The following PDE4D variants were observed in gnomAD, a reference collection of about 807,000 sequenced individuals.
The protein encoded by PDE4D is phosphodiesterase 4D.
In PDE4D, 24 loss-of-function variants were observed where a neutral mutation model predicts 87.4. That is an observed-to-expected ratio of 0.27 (90% CI 0.20 to 0.39). The LOEUF is 0.39. PDE4D is among the 10% of genes least tolerant of loss of function. The pLI, the probability that PDE4D is intolerant of heterozygous loss-of-function variation, is 1.00. For missense variants in PDE4D, 714 were observed against 1,041.0 expected (o/e 0.69, Z 4.32); for synonymous variants, 384 against 383.2 (o/e 1.00, Z -0.02).
intron 1 of PDE4D, among the ~76,000 whole-genome samples, chr5:59,392,740 C>A (rs904767311): frequency 7.9e-5 from 12 of 152,128 alleles, no homozygotes; most frequent in Non-Finnish European, 1.2e-4. Context: ...GATCCCCCTG[C>A]CTTCTCCATT....
intron 6 of PDE4D, among the ~76,000 whole-genome samples, chr5:59,019,488 T>A (rs562661790): frequency 6.6e-6 from 1 of 152,290 alleles, no homozygotes; most frequent in Non-Finnish European, 1.5e-5. Flanking sequence ...ATGGCCTCAA[T>A]CTACATTTCT....
At chr5:60,272,826 T>G (rs1750951551) in intron 1 of PDE4D, among the ~76,000 whole-genome samples, 2 of 152,218 alleles carry the variant, frequency 1.3e-5, no homozygotes, top group Admixed American at 6.5e-5. Context: ...TTCAACCTAA[T>G]GACTTCTCCG....
chr5:59,339,392 T>A (rs992655034), intron 1 of PDE4D, among the ~76,000 whole-genome samples: 12 of 152,206 alleles, frequency 7.9e-5, no homozygotes, highest in Admixed American at 6.5e-4. Context: ...TAGCATTCTG[T>A]CTAAGGTTAG....
At chr5:59,444,414 A>C (rs1056335777) in intron 1 of PDE4D, among the ~76,000 whole-genome samples, 1 of 152,148 alleles carries the variant, frequency 6.6e-6, no homozygotes, top group African/African-American at 2.4e-5. Context: ...TGTCCAACAT[A>C]TTTTTAATTT....
At chr5:60,163,093 G>A (rs1011026309) in intron 2 of PDE4D, among the ~76,000 whole-genome samples, 1 of 151,952 alleles carries the variant, frequency 6.6e-6, no homozygotes, top group African/African-American at 2.4e-5. Context: ...TCATTTTGAG[G>A]GAAAGAAAAA....
chr5:59,506,822 A>G (rs192113272), intron 1 of PDE4D, among the ~76,000 whole-genome samples: 25 of 152,298 alleles, frequency 1.6e-4, no homozygotes, highest in African/African-American at 5.3e-4. Flanking sequence ...AGCTCTTAGA[A>G]AATAGAGAAT....
chr5:59,148,753 C>CGG (rs1415942243), intron 5 of PDE4D, among the ~76,000 whole-genome samples: 17 of 77,630 alleles, frequency 2.2e-4, no homozygotes, highest in East Asian at 3.5e-4. Flanking sequence ...AAATATATAG[C>CGG]GGTGTGTGTG....
intron 2 of PDE4D, among the ~76,000 whole-genome samples, chr5:60,113,822 CA>C (rs1253688594): frequency 1.3e-5 from 2 of 151,842 alleles, no homozygotes; most frequent in Non-Finnish European, 2.9e-5. Context: ...ACAACAAGAA[CA>C]AAAAAAATTT....
intron 2 of PDE4D, among the ~76,000 whole-genome samples, chr5:60,102,367 CT>C (rs778236732): frequency 6.6e-6 from 1 of 151,984 alleles, no homozygotes; most frequent in Non-Finnish European, 1.5e-5. Flanking sequence ...TCGACCAAGC[CT>C]TTTGAATTGT....
At chr5:59,559,565 G>A (rs1052371083) in intron 1 of PDE4D, among the ~76,000 whole-genome samples, 5 of 152,150 alleles carry the variant, frequency 3.3e-5, no homozygotes, top group African/African-American at 4.8e-5. Flanking sequence ...CGTGAATGAC[G>A]CTGGTTGTTC....
Position 60,273,369 on chromosome 5 carries a change from C to T in PDE4D, c.-89-87682G>A, listed in dbSNP as rs140768606. On this transcript the variant is annotated intron_variant, in intron 1 of 16. Transcript: ENST00000502484. ...AAAATGGTACATACGGAAAATGCAT[C>T]CAGTTCAAGGTGAAAAGAAGATCCT... Among the ~76,000 whole-genome samples, 791 of 152,206 alleles carry T rather than the reference C, an allele frequency of 5.2e-3. 6 individuals are homozygous for T. The highest frequency in any genetic ancestry group is 8.0e-3 in the Non-Finnish European group (543 of 68,012).
chr5:59,297,476 C>G (rs1769310563), intron 1 of PDE4D, among the ~76,000 whole-genome samples: 1 of 151,948 alleles, frequency 6.6e-6, no homozygotes, highest in Non-Finnish European at 1.5e-5. Context: ...GAGTTTACAA[C>G]AAAAAGAGGG....
chr5:60,000,768 A>T (rs1326165433), intron 2 of PDE4D, among the ~76,000 whole-genome samples: 4 of 152,206 alleles, frequency 2.6e-5, no homozygotes, highest in African/African-American at 9.7e-5. Context: ...GTAATATGTG[A>T]CATTGATAAC....
intron 11 of PDE4D, among the ~76,000 whole-genome samples, chr5:58,982,696 T>C (rs1166773403): frequency 6.6e-6 from 1 of 152,184 alleles, no homozygotes; most frequent in Non-Finnish European, 1.5e-5. Context: ...CACTTAGCAA[T>C]AGTCATAGCC....
intron 6 of PDE4D, among the ~76,000 whole-genome samples, chr5:58,997,135 C>T (rs1313066556): frequency 6.6e-6 from 1 of 152,164 alleles, no homozygotes; most frequent in Non-Finnish European, 1.5e-5. Context: ...CTGAAGCGTA[C>T]ATTAAGTTAT....
chr5:60,144,758 C>T (rs1780852481), intron 2 of PDE4D, among the ~76,000 whole-genome samples: 1 of 152,200 alleles, frequency 6.6e-6, no homozygotes, highest in South Asian at 2.1e-4. Flanking sequence ...CTTCACTATA[C>T]TTAAGCATCC....
At chr5:59,070,926 T>G (rs1413789946) in intron 5 of PDE4D, among the ~76,000 whole-genome samples, 1 of 152,230 alleles carries the variant, frequency 6.6e-6, no homozygotes, top group Non-Finnish European at 1.5e-5. Context: ...CTTTCCTTAT[T>G]ATCCCAAGGG....
chr5:60,488,099 A>G (rs909563974), upstream of PDE4D: 15 of 152,630 alleles, frequency 9.8e-5, no homozygotes, highest in Non-Finnish European at 1.6e-4. Context: ...GCTATAATCT[A>G]TGAAACTGAG....
chr5:60,426,176 T>A (rs961054043), intron 1 of PDE4D, among the ~76,000 whole-genome samples: 2 of 152,198 alleles, frequency 1.3e-5, no homozygotes, highest in African/African-American at 4.8e-5. Flanking sequence ...GCCATCCCAT[T>A]ACTGGGTATA....
Sources: gnomAD v4.1 joint callset for allele counts (sites outside exome capture counted in the v4.1 genomes callset) on GRCh38, gnomAD v4.1.1 for gene constraint, MANE v1.5 for transcripts, NCBI Gene and HGNC (gene_info 2026-07-23, HGNC 2026-07-21) for gene names.